The following MAP6D1 variants were observed in gnomAD, a reference collection of about 807,000 sequenced individuals.
The protein encoded by MAP6D1 is MAP6 domain-containing protein 1.
MAP6D1 carries 13 observed loss-of-function variants against 17.4 expected under a neutral mutation model. The ratio of observed to expected loss-of-function variants is 0.75; its 90% confidence interval spans 0.49 to 1.19. MAP6D1 has a LOEUF of 1.19. Ranked by LOEUF, MAP6D1 falls within the 50% of genes most tolerant of loss-of-function variation. The pLI is 0.00. For synonymous variants in MAP6D1, 141 were observed against 145.7 expected (o/e 0.97, Z 0.23); for missense variants, 313 against 312.6 (o/e 1.00, Z -0.01).
chr3:183,821,114 AAGAG>A (rs201566532), intron 1 of MAP6D1, among the ~76,000 whole-genome samples: 3 of 151,560 alleles, frequency 2.0e-5, no homozygotes, highest in Admixed American at 6.6e-5. Context: ...AAAAGAAAAA[AAGAG>A]AGGCTGACCC....
At chr3:183,817,785 G>A in intron 2 of MAP6D1, among the ~76,000 whole-genome samples, 1 of 152,184 alleles carries the variant, frequency 6.6e-6, no homozygotes, top group East Asian at 1.9e-4. Context: ...GAGGCAGAGA[G>A]ACCCTGCTCA....
intron 1 of MAP6D1, among the ~76,000 whole-genome samples, chr3:183,823,789 CAA>C (rs759464673): frequency 1.4e-5 from 2 of 142,620 alleles, no homozygotes; most frequent in East Asian, 4.1e-4. Flanking sequence ...ACTCCGTCTC[CAA>C]AAAAAAAAGT....
chr3:183,825,451 A>G lies in MAP6D1; in HGVS notation c.97T>C (p.Tyr33His). 4 of 1,435,692 alleles carry G rather than the reference A, an allele frequency of 2.8e-6. No homozygotes were observed. Among genetic ancestry groups the G allele is most frequent in the Non-Finnish European group, 3.6e-6 (4 of 1,099,598 alleles). 88.9% of individuals were successfully genotyped at this position (1,435,692 alleles called of 1,614,324 possible). Reference protein sequence around the residue: ...DVAVPLTLHGYSDLDSEEPGT... With the variant: ...DVAVPLTLHGHSDLDSEEPGT... ...GGCTCCTCGCTGTCGAGGTCCGAGT[A>G]GCCGTGCAGAGTGAGCGGCACCGCC... Residue 33 changes from tyrosine (Y) to histidine (H), a missense_variant, in exon 1 of 3, where the codon TAC (tyrosine) becomes CAC (histidine). Tyr to His is a moderately conservative substitution (Grantham distance 83, BLOSUM62 2). Coordinates refer to ENST00000318631, the MANE Select transcript of MAP6D1 (RefSeq NM_024871.4).
Position 183,825,136 on chromosome 3 carries a change from C to CTGTA in MAP6D1, c.401+10_401+11insTACA, listed in dbSNP as rs763662959. On this transcript the variant is annotated intron_variant, in intron 1 of 2. Transcript: ENST00000318631. ...GGTGGGGACTCGTTGCGGTCCCTAC[C>CTGTA]CAGCCCATACCTGTACGACGTGGTC... is the stretch of plus-strand genomic sequence containing the variant. The CTGTA allele has an allele frequency of 2.0e-3, 2,891 of 1,417,410 alleles. 4 individuals carry two copies. The highest frequency in any genetic ancestry group is 2.4e-3 in the Non-Finnish European group (2,642 of 1,080,504). The allele number at this position is 1,417,410 out of a possible 1,614,324, so 87.8% of individuals were successfully genotyped here. A position where few individuals can be genotyped will look rare whatever the true frequency, so the allele number is the denominator to read the frequency against.
Position 183,821,093 on chromosome 3 carries a change from CAAAAAA to C in MAP6D1, c.402-2988_402-2983del, listed in dbSNP as rs540724493. Among the ~76,000 whole-genome samples, 384 of 95,752 alleles carry C rather than the reference CAAAAAA, an allele frequency of 4.0e-3. 6 individuals are homozygous for C. The highest frequency in any genetic ancestry group is 0.037 in the Admixed American group (320 of 8,740). 62.8% of individuals were successfully genotyped at this position (95,752 alleles called of 152,430 possible). A position where few individuals can be genotyped will look rare whatever the true frequency, so the allele number is the denominator to read the frequency against. Reference sequence around the variant, plus strand: ...CTGGTGACAGAGTGAGACTCCGTCTCAAAAAAAAAAAAAAGAAAAAAAGAGAGGCTG... The same window carrying C: ...CTGGTGACAGAGTGAGACTCCGTCTCAAAAAAAAGAAAAAAAGAGAGGCTG... On this transcript the variant is annotated intron_variant, in intron 1 of 2. Transcript: ENST00000318631.
intron 1 of MAP6D1, among the ~76,000 whole-genome samples, chr3:183,821,094 A>T (rs1203770665): frequency 8.3e-6 from 1 of 120,938 alleles, no homozygotes; most frequent in African/African-American, 3.2e-5. Context: ...ACTCCGTCTC[A>T]AAAAAAAAAA....
At chr3:183,821,032 T>C (rs530187230) in intron 1 of MAP6D1, among the ~76,000 whole-genome samples, 70 of 150,784 alleles carry the variant, frequency 4.6e-4, no homozygotes, top group African/African-American at 1.7e-3. Context: ...GAGGCGGAGG[T>C]TGCAGTGAGC....
chr3:183,825,174 G>A lies in MAP6D1; in HGVS notation c.374C>T (p.Ala125Val). Residue 125 changes from alanine to valine, a missense_variant, in exon 1 of 3, where the codon GCG (alanine) becomes GTG (valine). Transcript: ENST00000318631. ...VYVLPIGDAD[A>V]AAAVTTSYRQ... The stretch of plus-strand genomic sequence containing the variant: ...GTACGACGTGGTCACTGCTGCAGCC[G>A]CGTCCGCGTCGCCGATGGGCAGCAC... 6.8e-7 allele frequency: 1 copy of A among 1,460,920 alleles called. No individual in the cohort carries two copies. The highest frequency in any genetic ancestry group is 9.1e-7 in the Non-Finnish European group (1 of 1,103,722). 90.5% of individuals were successfully genotyped at this position (1,460,920 alleles called of 1,614,324 possible).
Position 183,825,526 on chromosome 3 carries a change from G to T in MAP6D1, c.22C>A (p.Arg8Ser). The T allele has an allele frequency of 7.2e-7, 1 of 1,380,514 alleles. No homozygotes were observed. Among genetic ancestry groups the T allele is most frequent in the Non-Finnish European group, 9.4e-7 (1 of 1,066,956 alleles). 85.5% of individuals were successfully genotyped at this position (1,380,514 alleles called of 1,614,324 possible). The stretch of plus-strand genomic sequence containing the variant: ...CAGCGCCGCGCCAGGCAGCACAGGC[G>T]GCTGATACAGGGCCACGCCATGCCA... Reference protein sequence around the residue: MAWPCISRLCCLARRWNQ... With the variant: MAWPCISSLCCLARRWNQ... Residue 8 changes from arginine to serine, a missense_variant, in exon 1 of 3, where the codon CGC becomes AGC. Physicochemically the swap from Arg to Ser is moderately radical, Grantham distance 110. Transcript: ENST00000318631.
rs749823342 is a variant in MAP6D1 at position 183,825,516 on chromosome 3, C to A, written c.32G>T (p.Cys11Phe). 1 of 1,388,874 alleles carries A rather than the reference C, an allele frequency of 7.2e-7. No homozygotes were observed. Among genetic ancestry groups the A allele is most frequent in the Non-Finnish European group, 9.3e-7 (1 of 1,071,204 alleles). 86.0% of individuals were successfully genotyped at this position (1,388,874 alleles called of 1,614,324 possible). The change falls in exon 1 of 3, where the codon TGC becomes TTC. Residue 11 changes from cysteine (C) to phenylalanine (F), a missense_variant. Transcript: ENST00000318631. The stretch of plus-strand genomic sequence containing the variant: ...CAGCTGGTTCCAGCGCCGCGCCAGG[C>A]AGCACAGGCGGCTGATACAGGGCCA... Reference protein sequence around the residue: MAWPCISRLCCLARRWNQLDR... With the variant: MAWPCISRLCFLARRWNQLDR...
intron 1 of MAP6D1, among the ~76,000 whole-genome samples, chr3:183,820,927 C>A (rs1165305910): frequency 2.1e-5 from 3 of 140,382 alleles, no homozygotes; most frequent in African/African-American, 8.0e-5. Flanking sequence ...ATAAATAATA[C>A]AAAATAAAAA....
chr3:183,817,379 C>T lies in MAP6D1; in HGVS notation c.577G>A (p.Ala193Thr). 6.4e-7 allele frequency: 1 copy of T among 1,570,408 alleles called. No individual in the cohort carries two copies. Among genetic ancestry groups the T allele is most frequent in the South Asian group, 1.2e-5 (1 of 85,168 alleles). ...PNPSAIFQAS[A>T]PRILNV ...AGTCACACGTTGAGAATCCGGGGAGCTGAGGCCTGAAAGATGGCGGAGGGG... is the reference window on the plus strand; with the variant it reads ...AGTCACACGTTGAGAATCCGGGGAGTTGAGGCCTGAAAGATGGCGGAGGGG... The change falls in exon 3 of 3, where the codon GCT becomes ACT. Residue 193 changes from alanine (A) to threonine (T), a missense_variant. By Grantham distance (58) the Ala-to-Thr change is moderately conservative. Coordinates refer to ENST00000318631, the MANE Select transcript of MAP6D1 (RefSeq NM_024871.4).
At chr3:183,818,376 G>A (rs1411832869) in intron 1 of MAP6D1, among the ~76,000 whole-genome samples, 6 of 152,218 alleles carry the variant, frequency 3.9e-5, no homozygotes, top group Non-Finnish European at 7.3e-5. Flanking sequence ...CGGTCCCTAA[G>A]GAAGTAGGAG....
chr3:183,815,955 G>T lies in MAP6D1; in HGVS notation c.*1401C>A, dbSNP rs999395043. 5 of 152,356 alleles carry T rather than the reference G, an allele frequency of 3.3e-5. No individual in the cohort carries two copies. In the South Asian group the frequency reaches 1.0e-3, roughly 32 times the overall value. The allele number at this position is 152,356 out of a possible 1,614,324, so 9.4% of individuals were successfully genotyped here. A position where few individuals can be genotyped will look rare whatever the true frequency, so the allele number is the denominator to read the frequency against. On this transcript the variant is annotated 3_prime_UTR_variant, in exon 3 of 3. Transcript: ENST00000318631. ...TTTTAGTAAAATCTGAGATTGTACA[G>T]TTTTTAATCTCATTTCCACAGACAC...
At chr3:183,823,442 A>C (rs1432692479) in intron 1 of MAP6D1, among the ~76,000 whole-genome samples, 1 of 152,060 alleles carries the variant, frequency 6.6e-6, no homozygotes, top group African/African-American at 2.4e-5. Context: ...TCTACTAAAA[A>C]TACAAAAAAT....
At chr3:183,819,405 C>A (rs1660611805) in intron 1 of MAP6D1, among the ~76,000 whole-genome samples, 1 of 152,212 alleles carries the variant, frequency 6.6e-6, no homozygotes, top group African/African-American at 2.4e-5. Context: ...TTCACATGCC[C>A]ACGCTGAGCC....
In MAP6D1 at chr3:183,817,396, G is replaced by A; in HGVS notation, c.560C>T (p.Ala187Val). Reference protein sequence around the residue: ...VRKKFTPNPSAIFQASAPRIL... With the variant: ...VRKKFTPNPSVIFQASAPRIL... Reference sequence around the variant, plus strand: ...CCGGGGAGCTGAGGCCTGAAAGATGGCGGAGGGGTTAGGAGTGAACTTCTT... The same window carrying A: ...CCGGGGAGCTGAGGCCTGAAAGATGACGGAGGGGTTAGGAGTGAACTTCTT... The change falls in exon 3 of 3, where the codon GCC becomes GTC. Residue 187 changes from alanine to valine, a missense_variant. Ala to Val is a moderately conservative substitution (Grantham distance 64, BLOSUM62 0). Transcript: ENST00000318631. 1 of 1,571,576 alleles carries A rather than the reference G, an allele frequency of 6.4e-7. No individual in the cohort carries two copies. The highest frequency in any genetic ancestry group is 8.6e-7 in the Non-Finnish European group (1 of 1,158,144).
intron 1 of MAP6D1, among the ~76,000 whole-genome samples, chr3:183,819,517 G>A (rs1349872920): frequency 6.6e-6 from 1 of 152,244 alleles, no homozygotes; most frequent in African/African-American, 2.4e-5. Context: ...GCGGCCGCCA[G>A]AGGAGGAACC....
intron 1 of MAP6D1, among the ~76,000 whole-genome samples, chr3:183,819,868 T>C (rs1033805893): frequency 1.3e-5 from 2 of 152,230 alleles, no homozygotes; most frequent in African/African-American, 4.8e-5. Flanking sequence ...GGGCCAAGTC[T>C]TGTGGAACTT....
Sources: gnomAD v4.1 joint callset for allele counts (sites outside exome capture counted in the v4.1 genomes callset) on GRCh38, gnomAD v4.1.1 for gene constraint, MANE v1.5 for transcripts, NCBI Gene and HGNC (gene_info 2026-07-23, HGNC 2026-07-21) for gene names.